The following SOX6 variants were observed in gnomAD, a reference collection of about 807,000 sequenced individuals.
The protein encoded by SOX6 is transcription factor SOX-6.
A neutral mutation model predicts 97.8 loss-of-function variants in SOX6; 11 were observed. That is an observed-to-expected ratio of 0.11 (90% CI 0.07 to 0.19). The LOEUF (loss-of-function observed/expected upper bound fraction) is 0.19, where lower values mean the gene tolerates loss of function less well. Among genes scored for constraint, SOX6 ranks in the 10% least tolerant of loss-of-function variants. SOX6 has a pLI of 1.00. For synonymous variants in SOX6, 360 were observed against 371.4 expected, an observed-to-expected ratio of 0.97 and a Z score of 0.35; for missense variants, 810 against 1,039.5, an observed-to-expected ratio of 0.78 and a Z score of 3.04.
chr11:16,383,908 T>C (rs371308759), intron 1 of SOX6, among the ~76,000 whole-genome samples: 28 of 151,688 alleles, frequency 1.8e-4, no homozygotes, highest in South Asian at 4.2e-4. Flanking sequence ...AAGGCAAAGA[T>C]AGGAAACCAA....
At chr11:16,683,142 G>A (rs1490900873) in intron 3 of SOX6, among the ~76,000 whole-genome samples, 5 of 152,188 alleles carry the variant, frequency 3.3e-5, no homozygotes, top group Admixed American at 2.6e-4. Flanking sequence ...TCAATATCGT[G>A]AAAATGGCCA....
At chr11:16,372,748 T>C (rs1294080576) in intron 1 of SOX6, among the ~76,000 whole-genome samples, 1 of 152,108 alleles carries the variant, frequency 6.6e-6, no homozygotes, top group East Asian at 1.9e-4. Flanking sequence ...GAGATGTTGA[T>C]GGAGAGAGCC....
At chr11:16,298,003 C>T (rs930552118) in intron 3 of SOX6, among the ~76,000 whole-genome samples, 2 of 151,992 alleles carry the variant, frequency 1.3e-5, no homozygotes, top group African/African-American at 4.8e-5. Context: ...TAAATGAATT[C>T]AGTAGAGGCA....
intron 1 of SOX6, among the ~76,000 whole-genome samples, chr11:16,398,157 T>C (rs1034894864): frequency 4.6e-5 from 7 of 151,566 alleles, no homozygotes; most frequent in Non-Finnish European, 8.9e-5. Context: ...CCCAAGTGAT[T>C]CTTACATACC....
intron 9 of SOX6, among the ~76,000 whole-genome samples, chr11:16,061,314 A>AC (rs1046262750): frequency 2.8e-4 from 42 of 151,374 alleles, no homozygotes; most frequent in Admixed American, 6.0e-4. Context: ...AAAAAAAAAA[A>AC]AACAGGAATA....
At chr11:16,057,542 A>G (rs1164446117) in intron 9 of SOX6, among the ~76,000 whole-genome samples, 2 of 152,082 alleles carry the variant, frequency 1.3e-5, no homozygotes, top group Non-Finnish European at 2.9e-5. Context: ...TTCTTGCTCC[A>G]AATCTGAACT....
At chr11:16,692,086 TGTGCGC>T (rs1385866396) in intron 3 of SOX6, among the ~76,000 whole-genome samples, 23 of 128,166 alleles carry the variant, frequency 1.8e-4, no homozygotes, top group African/African-American at 6.2e-4. Flanking sequence ...TGTGTGTGTG[TGTGCGC>T]GCGCGCGCTT....
chr11:16,286,109 T>TC (rs1460610014), intron 3 of SOX6, among the ~76,000 whole-genome samples: 1 of 152,160 alleles, frequency 6.6e-6, no homozygotes, highest in Admixed American at 6.6e-5. Flanking sequence ...AAAATGAATA[T>TC]CCAGTTGTTG....
chr11:16,199,789 T>G (rs1405366954), intron 4 of SOX6, among the ~76,000 whole-genome samples: 1 of 152,130 alleles, frequency 6.6e-6, no homozygotes, highest in African/African-American at 2.4e-5. Context: ...TCAGAAAATA[T>G]TACATCTAGA....
chr11:16,605,202 G>C lies in SOX6; in HGVS notation n.609+6879C>G, dbSNP rs1459313527. Among the ~76,000 whole-genome samples the C allele has an allele frequency of 6.6e-6, 1 of 151,994 alleles. No homozygotes were observed. Among genetic ancestry groups the C allele is most frequent in the East Asian group, 1.9e-4 (1 of 5,152 alleles). ...TGGCGGGGCCCCGGCAGGGCGCCGA[G>C]AAGGACGGAGGGCGCCGGCTGGGCT... On this transcript the variant is annotated intron_variant and non_coding_transcript_variant, in intron 4 of 5. Transcript: ENST00000524520. The surrounding 1 kb of genome is among the most constrained non-coding windows in gnomAD (Gnocchi z 5.3).
chr11:16,582,870 A>AG (rs1848043707), intron 4 of SOX6, among the ~76,000 whole-genome samples: 1 of 152,110 alleles, frequency 6.6e-6, no homozygotes, highest in Non-Finnish European at 1.5e-5. Flanking sequence ...TTAACCCTTA[A>AG]GAACTGACAA....
intron 4 of SOX6, among the ~76,000 whole-genome samples, chr11:16,208,444 G>A (rs947347431): frequency 4.6e-5 from 7 of 152,150 alleles, no homozygotes; most frequent in Non-Finnish European, 7.3e-5. Context: ...TGGCGCTTTC[G>A]CACAAATTAA....
intron 2 of SOX6, among the ~76,000 whole-genome samples, chr11:16,338,171 C>G (rs1856522832): frequency 6.6e-6 from 1 of 151,940 alleles, no homozygotes; most frequent in African/African-American, 2.4e-5. Context: ...TTTAGATTTT[C>G]TTTTAAGTTT....
chr11:16,680,675 A>G (rs2134029532), intron 3 of SOX6, among the ~76,000 whole-genome samples: 1 of 152,356 alleles, frequency 6.6e-6, no homozygotes, highest in South Asian at 2.1e-4. Flanking sequence ...AATTGGATAA[A>G]GAGTCAAGAC....
chr11:16,248,303 G>C (rs2134195078), intron 3 of SOX6, among the ~76,000 whole-genome samples: 1 of 152,144 alleles, frequency 6.6e-6, no homozygotes, highest in Non-Finnish European at 1.5e-5. Flanking sequence ...TTTGGGTCTG[G>C]AGAATGGTGG....
chr11:16,121,638 A>G (rs2134007838), intron 6 of SOX6, among the ~76,000 whole-genome samples: 1 of 152,172 alleles, frequency 6.6e-6, no homozygotes, highest in South Asian at 2.1e-4. Context: ...CAAAAATTCC[A>G]TTAAGTATCT....
chr11:16,033,024 C>A (rs1163319955), intron 12 of SOX6, among the ~76,000 whole-genome samples: 1 of 152,160 alleles, frequency 6.6e-6, no homozygotes, highest in Non-Finnish European at 1.5e-5. Flanking sequence ...CCTCTATTGT[C>A]TGGTTCCTTT....
At chr11:16,377,059 A>G (rs1020046437) in intron 1 of SOX6, among the ~76,000 whole-genome samples, 1 of 152,030 alleles carries the variant, frequency 6.6e-6, no homozygotes, top group African/African-American at 2.4e-5. Flanking sequence ...TGTTAGTTAC[A>G]GAGTTATTGA....
intron 3 of SOX6, among the ~76,000 whole-genome samples, chr11:16,626,816 A>C (rs1173084452): frequency 1.3e-5 from 2 of 151,968 alleles, no homozygotes; most frequent in Non-Finnish European, 2.9e-5. Context: ...GTATTTTTTA[A>C]ATTTATTTTT....
Sources: gnomAD v4.1 joint callset for allele counts (sites outside exome capture counted in the v4.1 genomes callset) on GRCh38, gnomAD v4.1.1 for gene constraint, Gnocchi (gnomAD v3.1) non-coding constraint, MANE v1.5 for transcripts, NCBI Gene and HGNC (gene_info 2026-07-23, HGNC 2026-07-21) for gene names.